The following TMTC2 variants were observed in gnomAD, a reference collection of about 807,000 sequenced individuals.
The protein encoded by TMTC2 is protein O-mannosyl-transferase TMTC2.
TMTC2 carries 43 observed loss-of-function variants against 82.4 expected under a neutral mutation model. That is an observed-to-expected ratio of 0.52 (90% CI 0.41 to 0.67). The LOEUF (loss-of-function observed/expected upper bound fraction) is 0.67. Among genes scored for constraint, TMTC2 ranks in the 30% least tolerant of loss-of-function variants. The pLI is 0.00. For synonymous variants in TMTC2, 408 were observed against 381.9 expected, an observed-to-expected ratio of 1.07 and a Z score of -0.80; for missense variants, 919 against 1,012.4, an observed-to-expected ratio of 0.91 and a Z score of 1.25.
intron 7 of TMTC2, among the ~76,000 whole-genome samples, chr12:82,981,213 T>A (rs1026401464): frequency 6.6e-5 from 10 of 152,028 alleles, no homozygotes; most frequent in African/African-American, 2.4e-4. Flanking sequence ...CTTTAAAAAT[T>A]AGGAAATCTA....
chr12:82,720,430 A>G lies in TMTC2; in HGVS notation c.83+32761A>G, dbSNP rs150192137. On this transcript the variant is annotated intron_variant, in intron 1 of 11. Transcript: ENST00000321196. ...TTATAGCCAAATACAATTCCATTGT[A>G]TGAATATTAAACATTTTATATTAAA... Among the ~76,000 whole-genome samples, 884 of 152,298 alleles carry G rather than the reference A, an allele frequency of 5.8e-3. 9 individuals carry two copies. Among genetic ancestry groups the G allele is most frequent in the African/African-American group, 0.02 (835 of 41,554 alleles).
chr12:82,809,629 A>G (rs1879397142), intron 1 of TMTC2, among the ~76,000 whole-genome samples: 1 of 152,126 alleles, frequency 6.6e-6, no homozygotes, highest in Non-Finnish European at 1.5e-5. Flanking sequence ...TAAGTCATTC[A>G]CAATTTTTTC....
intron 3 of TMTC2, among the ~76,000 whole-genome samples, chr12:82,903,590 T>G (rs1004592045): frequency 6.6e-6 from 1 of 152,120 alleles, no homozygotes; most frequent in African/African-American, 2.4e-5. Flanking sequence ...TTTTTTTGTA[T>G]TTTTAGTAGA....
chr12:82,696,489 T>C (rs1225442229), intron 1 of TMTC2, among the ~76,000 whole-genome samples: 1 of 152,228 alleles, frequency 6.6e-6, no homozygotes, highest in Non-Finnish European at 1.5e-5. Context: ...AGTGTGCAGC[T>C]TGAAATCAAC....
chr12:82,874,955 T>A (rs887814192), intron 2 of TMTC2, among the ~76,000 whole-genome samples: 1 of 152,166 alleles, frequency 6.6e-6, no homozygotes, highest in Admixed American at 6.5e-5. Context: ...TAAAAAAAAA[T>A]CGTTAAGTGC....
At chr12:82,705,156 A>G (rs1873288917) in intron 1 of TMTC2, among the ~76,000 whole-genome samples, 1 of 152,226 alleles carries the variant, frequency 6.6e-6, no homozygotes, top group South Asian at 2.1e-4. Flanking sequence ...TAAAGGCATA[A>G]GAATGACACA....
At chr12:82,846,802 G>A (rs1247252438) in intron 1 of TMTC2, among the ~76,000 whole-genome samples, 2 of 151,996 alleles carry the variant, frequency 1.3e-5, no homozygotes, top group East Asian at 1.9e-4. Context: ...AATTTATTAA[G>A]TGCCAGCATT....
At chr12:82,993,213 G>A (rs1879473102) in intron 8 of TMTC2, among the ~76,000 whole-genome samples, 1 of 152,054 alleles carries the variant, frequency 6.6e-6, no homozygotes, top group African/African-American at 2.4e-5. Flanking sequence ...TCGAACTCCT[G>A]ACCTCATGAT....
At position 83,074,347 on chromosome 12, in the gene TMTC2, G is replaced by A. The variant is rs557826216; in HGVS notation, c.2331+12516G>A. On this transcript the variant is annotated intron_variant, in intron 11 of 11. Coordinates refer to ENST00000321196, the MANE Select transcript of TMTC2 (RefSeq NM_152588.3). ...TGAACCATCTGTGGGTCTCTCAGCCGTGGATACCAGCACCTGTTCTGGTGG... is the reference window on the plus strand; with the variant it reads ...TGAACCATCTGTGGGTCTCTCAGCCATGGATACCAGCACCTGTTCTGGTGG... Among the ~76,000 whole-genome samples the A allele has an allele frequency of 1.1e-4, 16 of 152,260 alleles. No homozygotes were observed. The East Asian group carries it at 1.9e-3, about 18-fold the overall frequency.
intron 3 of TMTC2, among the ~76,000 whole-genome samples, chr12:82,917,046 G>A (rs186375298): frequency 3.3e-4 from 50 of 152,040 alleles, no homozygotes; most frequent in African/African-American, 1.1e-3. Context: ...AATTCCTGTA[G>A]GCTTACAAAG....
Position 82,920,882 on chromosome 12 carries a change from C to G in TMTC2, c.1484-9549C>G, listed in dbSNP as rs142943180. 2.8e-3 allele frequency among the ~76,000 whole-genome samples: 429 copies of G among 152,164 alleles called. 5 individuals are homozygous for G. Among genetic ancestry groups the G allele is most frequent in the African/African-American group, 9.7e-3 (403 of 41,542 alleles). ...GGATAAATATACCAAAGTTCCCAGC[C>G]GGCATCTTTGAGCAACAACCATTTG... is the stretch of plus-strand genomic sequence containing the variant. On this transcript the variant is annotated intron_variant, in intron 3 of 11. Transcript: ENST00000321196.
At chr12:82,951,822 T>C (rs1388350930) in intron 4 of TMTC2, among the ~76,000 whole-genome samples, 1 of 152,244 alleles carries the variant, frequency 6.6e-6, no homozygotes, top group Non-Finnish European at 1.5e-5. Flanking sequence ...TTGCATCCTC[T>C]ATTAGTGCTT....
intron 2 of TMTC2, among the ~76,000 whole-genome samples, chr12:82,866,009 G>A (rs1416819204): frequency 1.3e-5 from 2 of 152,126 alleles, no homozygotes; most frequent in African/African-American, 4.8e-5. Flanking sequence ...CACATTTAAA[G>A]CAGTGTGTAG....
chr12:83,131,499 AGT>A (rs1171116140), intron 11 of TMTC2, among the ~76,000 whole-genome samples: 2 of 152,202 alleles, frequency 1.3e-5, no homozygotes, highest in Non-Finnish European at 2.9e-5. Context: ...CTTTTTAATA[AGT>A]AATATAAAAT....
At chr12:82,735,598 G>T (rs1379462574) in intron 1 of TMTC2, among the ~76,000 whole-genome samples, 1 of 151,298 alleles carries the variant, frequency 6.6e-6, no homozygotes, top group Non-Finnish European at 1.5e-5. Flanking sequence ...GCCCTCCTTG[G>T]CCTCCCAAAG....
At chr12:82,763,262 CAGAA>C (rs1876752834) in intron 1 of TMTC2, among the ~76,000 whole-genome samples, 1 of 59,434 alleles carries the variant, frequency 1.7e-5, no homozygotes, top group African/African-American at 4.4e-5. Context: ...GACAGAAAGA[CAGAA>C]AGTAACATGG....
At chr12:83,068,704 TA>T (rs1160911122) in intron 11 of TMTC2, among the ~76,000 whole-genome samples, 3 of 152,184 alleles carry the variant, frequency 2.0e-5, no homozygotes, top group South Asian at 2.1e-4. Context: ...ATATTTTGTT[TA>T]TTTTTTTATT....
intron 4 of TMTC2, among the ~76,000 whole-genome samples, chr12:82,938,849 G>T (rs953319593): frequency 6.6e-6 from 1 of 152,114 alleles, no homozygotes; most frequent in Non-Finnish European, 1.5e-5. Flanking sequence ...CCCTATTATT[G>T]CATTCCTCAT....
chr12:82,830,386 C>T (rs1869684518), intron 1 of TMTC2, among the ~76,000 whole-genome samples: 1 of 151,486 alleles, frequency 6.6e-6, no homozygotes, highest in Non-Finnish European at 1.5e-5. Context: ...TTTTAGGGCC[C>T]CATTGGTGCA....
Sources: allele counts gnomAD v4.1 joint callset (sites outside exome capture counted in the v4.1 genomes callset), GRCh38; gene constraint gnomAD v4.1.1; transcripts MANE v1.5; gene names NCBI Gene and HGNC (gene_info 2026-07-23, HGNC 2026-07-21).